The following SOX6 variants were observed in gnomAD, a reference collection of about 807,000 sequenced individuals.
SOX6 encodes transcription factor SOX-6.
In SOX6, 11 loss-of-function variants were observed where a neutral mutation model predicts 97.8. The ratio of observed to expected loss-of-function variants is 0.11; its 90% CI spans 0.07 to 0.19. The LOEUF is 0.19. Among genes scored for constraint, SOX6 ranks in the 10% least tolerant of loss-of-function variants. SOX6 has a pLI of 1.00. For synonymous variants in SOX6, 360 were observed against 371.4 expected (o/e 0.97, Z 0.35); for missense variants, 810 against 1,039.5 (o/e 0.78, Z 3.04).
intron 2 of SOX6, among the ~76,000 whole-genome samples, chr11:16,734,062 A>G (rs567305598): frequency 1.9e-4 from 29 of 152,052 alleles, no homozygotes; most frequent in African/African-American, 6.5e-4. Flanking sequence ...ATACATCAAC[A>G]ACAATTTTAT....
chr11:16,727,705 T>C (rs965133241), intron 2 of SOX6, among the ~76,000 whole-genome samples: 2 of 151,952 alleles, frequency 1.3e-5, no homozygotes, highest in African/African-American at 2.4e-5. Flanking sequence ...CCCAAAATGC[T>C]ACGATTACAG....
At chr11:16,110,991 G>C (rs951330621) in intron 7 of SOX6, among the ~76,000 whole-genome samples, 1 of 152,172 alleles carries the variant, frequency 6.6e-6, no homozygotes, top group African/African-American at 2.4e-5. Flanking sequence ...TTAATGAGTA[G>C]AACAAGGTCA....
At chr11:16,634,523 C>T (rs1848756083) in intron 3 of SOX6, among the ~76,000 whole-genome samples, 1 of 151,984 alleles carries the variant, frequency 6.6e-6, no homozygotes, top group African/African-American at 2.4e-5. Flanking sequence ...TAAAACTGAG[C>T]TTAGAATTTA....
At chr11:16,048,919 T>C (rs918786940) in intron 11 of SOX6, among the ~76,000 whole-genome samples, 5 of 152,140 alleles carry the variant, frequency 3.3e-5, no homozygotes, top group Non-Finnish European at 5.9e-5. Flanking sequence ...TACTGACAAC[T>C]GCTTTCACAT....
chr11:16,036,864 G>C (rs1164763581), intron 12 of SOX6, among the ~76,000 whole-genome samples: 1 of 152,168 alleles, frequency 6.6e-6, no homozygotes, highest in African/African-American at 2.4e-5. Flanking sequence ...AACTTAGACA[G>C]ATTCTTTGTT....
In SOX6 at chr11:16,049,810, G is replaced by C; in HGVS notation, c.1380C>G (p.Asn460Lys). The C allele has an allele frequency of 1.9e-6, 3 of 1,613,634 alleles. No homozygotes were observed. The highest frequency in any genetic ancestry group is 2.5e-6 in the Non-Finnish European group (3 of 1,179,808). Residue 460 changes from asparagine to lysine, a missense_variant, in exon 11 of 16, where the codon AAC (asparagine) becomes AAG (lysine). By Grantham distance (94) the Asn-to-Lys change is moderately conservative. Transcript: ENST00000683767. ...ASKTSPVNLPNKSSIPSPIGG... is the reference protein window; with the variant it reads ...ASKTSPVNLPKKSSIPSPIGG... ...CAATGGGGCTAGGGATGCTGCTTTT[G>C]TTTGGCAGATTGACAGGGCTGGTTT...
chr11:16,220,734 C>G (rs941278318), intron 4 of SOX6, among the ~76,000 whole-genome samples: 1 of 152,040 alleles, frequency 6.6e-6, no homozygotes, highest in Non-Finnish European at 1.5e-5. Flanking sequence ...CTAATCTTCA[C>G]ATTAATCCTG....
intron 3 of SOX6, among the ~76,000 whole-genome samples, chr11:16,711,406 C>CCA (rs372461512): frequency 0.16 from 24,775 of 152,104 alleles, 2,671 homozygotes; most frequent in East Asian, 0.32. Flanking sequence ...GGCCTATAGT[C>CCA]CCAGCTACTG....
chr11:16,104,632 A>G (rs948460058), intron 7 of SOX6, among the ~76,000 whole-genome samples: 3 of 151,510 alleles, frequency 2.0e-5, no homozygotes, highest in Non-Finnish European at 4.4e-5. Flanking sequence ...GGGGGTTATT[A>G]AATGAGATTA....
At chr11:15,985,435 T>C (rs1304207473) in intron 15 of SOX6, among the ~76,000 whole-genome samples, 2 of 152,132 alleles carry the variant, frequency 1.3e-5, no homozygotes, top group African/African-American at 4.8e-5. Context: ...GTGCCTCAAA[T>C]GGCCCTCTGG....
chr11:16,342,643 A>C (rs1856670076), intron 1 of SOX6, among the ~76,000 whole-genome samples: 1 of 151,970 alleles, frequency 6.6e-6, no homozygotes. Context: ...AAAATAATTA[A>C]GTTAATTCCA....
chr11:16,096,871 T>A (rs1027329328), intron 8 of SOX6, among the ~76,000 whole-genome samples: 1 of 151,934 alleles, frequency 6.6e-6, no homozygotes, highest in East Asian at 1.9e-4. Flanking sequence ...ATTTTAATGA[T>A]CTCAGCTTTT....
At chr11:16,656,172 T>A (rs1450498949) in intron 3 of SOX6, among the ~76,000 whole-genome samples, 2 of 152,074 alleles carry the variant, frequency 1.3e-5, no homozygotes, top group East Asian at 3.9e-4. Flanking sequence ...TCCGACTCCC[T>A]GGTTCAGCAA....
intron 1 of SOX6, among the ~76,000 whole-genome samples, chr11:16,355,100 G>C (rs1250249278): frequency 6.6e-6 from 1 of 151,914 alleles, no homozygotes; most frequent in Non-Finnish European, 1.5e-5. Flanking sequence ...CACAAAATAG[G>C]TATTATTAAC....
intron 4 of SOX6, among the ~76,000 whole-genome samples, chr11:16,571,201 T>C (rs1005008138): frequency 6.6e-6 from 1 of 152,190 alleles, no homozygotes; most frequent in Admixed American, 6.5e-5. Context: ...AAAGCATTTT[T>C]ATATATTTGA....
intron 3 of SOX6, among the ~76,000 whole-genome samples, chr11:16,687,760 G>A (rs1847980409): frequency 6.6e-6 from 1 of 152,070 alleles, no homozygotes; most frequent in African/African-American, 2.4e-5. Context: ...TCAAACTCCT[G>A]TCCTCAAGTG....
chr11:16,534,347 T>A (rs1443786191), intron 4 of SOX6, among the ~76,000 whole-genome samples: 2 of 152,272 alleles, frequency 1.3e-5, no homozygotes, highest in African/African-American at 2.4e-5. Flanking sequence ...CTGATTTTTT[T>A]AATAGTTTTA....
chr11:16,403,087 C>T (rs1253225229), intron 1 of SOX6, among the ~76,000 whole-genome samples: 1 of 151,504 alleles, frequency 6.6e-6, no homozygotes, highest in Non-Finnish European at 1.5e-5. Flanking sequence ...AACTCATAAG[C>T]TCAAAAGCTG....
rs545797740 is a variant in SOX6 at position 16,243,502 on chromosome 11, GTTT to G, written c.446-8834_446-8832del. ...TGTGTGTCAAGCAGCTATAAAACTAGTTTTTTTAATTAACTATATTCATATATA... is the reference window on the plus strand; with the variant it reads ...TGTGTGTCAAGCAGCTATAAAACTAGTTTTAATTAACTATATTCATATATA... On this transcript the variant is annotated intron_variant, in intron 3 of 15. Transcript: ENST00000683767. 2.3e-3 allele frequency among the ~76,000 whole-genome samples: 352 copies of G among 151,728 alleles called. 1 individual carries two copies. Among genetic ancestry groups the G allele is most frequent in the African/African-American group, 8.3e-3 (343 of 41,440 alleles).
Sources: gnomAD v4.1 joint callset for allele counts (sites outside exome capture counted in the v4.1 genomes callset) on GRCh38, gnomAD v4.1.1 for gene constraint, MANE v1.5 for transcripts, NCBI Gene and HGNC (gene_info 2026-07-23, HGNC 2026-07-21) for gene names.